Variants in PDGFRL observed in about 807,000 individuals in gnomAD.
PDGFRL encodes the protein platelet-derived growth factor receptor-like protein.
A neutral mutation model predicts 37.2 loss-of-function variants in PDGFRL; 46 were observed. The ratio of observed to expected loss-of-function variants is 1.24; its 90% confidence interval spans 0.98 to 1.58. The LOEUF (loss-of-function observed/expected upper bound fraction) is 1.58, where lower values mean the gene tolerates loss of function less well. PDGFRL is among the 40% of genes most tolerant of loss of function. The probability of loss-of-function intolerance (pLI) is 0.00; values close to 1 mark genes in which losing one functional copy is unlikely to be tolerated. For synonymous variants in PDGFRL, 251 were observed against 184.3 expected, an observed-to-expected ratio of 1.36 and a Z score of -2.93; for missense variants, 692 against 467.6, an observed-to-expected ratio of 1.48 and a Z score of -4.43.
Position 17,589,562 on chromosome 8 carries a change from T to G in PDGFRL, c.150T>G (p.Pro50=), listed in dbSNP as rs1457401134. 1 of 1,613,690 alleles carries G rather than the reference T, an allele frequency of 6.2e-7. No homozygotes were observed. The highest frequency in any genetic ancestry group is 1.1e-5 in the South Asian group (1 of 91,078). Residue 50 remains proline (P), a synonymous_variant, in exon 2 of 6, where the codon CCT becomes CCG. Transcript: ENST00000251630. Reference sequence around the variant, plus strand: ...ACAAGAAGGTGAAGCCCAAAATTCCTAAAATGAAGGACAGGGACTCAGCCA... The same window carrying G: ...ACAAGAAGGTGAAGCCCAAAATTCCGAAAATGAAGGACAGGGACTCAGCCA... ...PTNKKVKPKI[P]KMKDRDSANS...
intron 5 of PDGFRL, among the ~76,000 whole-genome samples, chr8:17,642,026 C>T (rs1805124507): frequency 6.6e-6 from 1 of 151,740 alleles, no homozygotes; most frequent in Admixed American, 6.6e-5. Context: ...CAAAAGTGAC[C>T]ATCGCACTTT....
At chr8:17,604,781 A>T in intron 2 of PDGFRL, among the ~76,000 whole-genome samples, 1 of 152,198 alleles carries the variant, frequency 6.6e-6, no homozygotes. Flanking sequence ...TAGGGCAATT[A>T]TGAGTCGAGG....
chr8:17,597,044 A>C (rs928340263), intron 2 of PDGFRL, among the ~76,000 whole-genome samples: 1 of 151,862 alleles, frequency 6.6e-6, no homozygotes, highest in Non-Finnish European at 1.5e-5. Flanking sequence ...GTTTTTTGGC[A>C]AAGTCTTGCT....
intron 3 of PDGFRL, among the ~76,000 whole-genome samples, chr8:17,622,818 A>C (rs980815689): frequency 2.6e-5 from 4 of 152,180 alleles, no homozygotes; most frequent in Admixed American, 2.6e-4. Flanking sequence ...CCCTGTTTGT[A>C]AGAGGCGTGA....
intron 5 of PDGFRL, 139 bp downstream of exon 5, chr8:17,634,352 G>T (rs1804926239): frequency 4.7e-6 from 3 of 632,422 alleles, no homozygotes; most frequent in African/African-American, 3.8e-5. Context: ...GGCTATGTTG[G>T]GGGCCAGGTA....
At chr8:17,576,651 T>A, upstream of PDGFRL, 1 of 937,006 alleles carries the variant, frequency 1.1e-6, no homozygotes, top group Non-Finnish European at 1.3e-6. Flanking sequence ...ACGTTATTCC[T>A]GTAATGAACC....
chr8:17,588,249 T>C (rs1386652598), intron 1 of PDGFRL, among the ~76,000 whole-genome samples: 3 of 152,332 alleles, frequency 2.0e-5, no homozygotes, highest in East Asian at 1.9e-4. Flanking sequence ...TGATAATTTA[T>C]ATGTAAGCTT....
intron 5 of PDGFRL, among the ~76,000 whole-genome samples, chr8:17,636,109 T>C (rs1804965444): frequency 2.6e-5 from 4 of 152,190 alleles, no homozygotes; most frequent in Admixed American, 2.6e-4. Flanking sequence ...TGTGCAGAAG[T>C]TTTTTAGTTT....
intron 3 of PDGFRL, among the ~76,000 whole-genome samples, chr8:17,625,361 A>G (rs879617702): frequency 1.3e-5 from 2 of 151,934 alleles, no homozygotes; most frequent in Admixed American, 6.6e-5. Context: ...CATGTTGTCC[A>G]GGAGGGTCTC....
Position 17,628,772 on chromosome 8 carries a change from A to G in PDGFRL, c.791A>G (p.Tyr264Cys), listed in dbSNP as rs753241764. Reference protein sequence around the residue: ...SQISVKYQLLYVAVPSGPPST... With the variant: ...SQISVKYQLLCVAVPSGPPST... ...ATCTCCGTCAAGTACCAGCTGCTCT[A>G]TGTGGCGGGTAAGCCTGGCCACCCC... The change falls in exon 4 of 6, where the codon TAT (tyrosine) becomes TGT (cysteine). Residue 264 changes from tyrosine to cysteine, a missense_variant. Physicochemically the swap from Tyr to Cys is radical, Grantham distance 194. Coordinates refer to ENST00000251630, the MANE Select transcript of PDGFRL (RefSeq NM_001372073.1). 1 of 1,612,792 alleles carries G rather than the reference A, an allele frequency of 6.2e-7. No homozygotes were observed. Among genetic ancestry groups the G allele is most frequent in the East Asian group, 2.2e-5 (1 of 44,858 alleles).
chr8:17,594,812 A>C (rs1804017792), intron 2 of PDGFRL, among the ~76,000 whole-genome samples: 1 of 152,158 alleles, frequency 6.6e-6, no homozygotes, highest in African/African-American at 2.4e-5. Flanking sequence ...AAGTGCTGGG[A>C]TTACAGGCGT....
In PDGFRL at chr8:17,601,612, C is replaced by G. The variant is rs151233146; in HGVS notation, c.353+11847C>G. On this transcript the variant is annotated intron_variant, in intron 2 of 5. Transcript: ENST00000251630. The stretch of plus-strand genomic sequence containing the variant: ...GATAGGTAGTTTCTCAGTCCTCACC[C>G]TCTTCCCACCCTCCACCTTCAAGTG... Among the ~76,000 whole-genome samples, 90 of 152,308 alleles carry G rather than the reference C, an allele frequency of 5.9e-4. No individual in the cohort carries two copies. The East Asian group carries it at 0.014, about 24-fold the overall frequency.
Position 17,581,672 on chromosome 8 carries a change from C to T in PDGFRL, c.55+4365C>T, listed in dbSNP as rs146161738. The stretch of plus-strand genomic sequence containing the variant: ...GTTAAAGAGAGTCTGGTCCCTCCTC[C>T]TCCCACCGCACCATGTGATCTCTGC... On this transcript the variant is annotated intron_variant, in intron 1 of 5. Coordinates refer to ENST00000251630, the MANE Select transcript of PDGFRL (RefSeq NM_001372073.1). Among the ~76,000 whole-genome samples the T allele has an allele frequency of 2.6e-5, 4 of 152,196 alleles. No individual in the cohort carries two copies. The East Asian group carries it at 5.8e-4, about 22-fold the overall frequency.
chr8:17,596,356 G>C (rs559867413), intron 2 of PDGFRL: 4 of 1,238,028 alleles, frequency 3.2e-6, no homozygotes, highest in Non-Finnish European at 4.1e-6. Flanking sequence ...AAGCCAACGC[G>C]CCCGCAGGAC....
chr8:17,601,460 T>G (rs79274760), intron 2 of PDGFRL, among the ~76,000 whole-genome samples: 4 of 151,884 alleles, frequency 2.6e-5, no homozygotes, highest in Middle Eastern at 3.4e-3. Context: ...TTTTTGTTTT[T>G]TTTTTTTTCC....
intron 2 of PDGFRL, among the ~76,000 whole-genome samples, chr8:17,610,978 A>G (rs1289154933): frequency 1.3e-5 from 2 of 152,256 alleles, no homozygotes; most frequent in African/African-American, 2.4e-5. Context: ...GTGAGTGCCT[A>G]TCTGGAAAGT....
At chr8:17,586,925 A>T (rs1803830829) in intron 1 of PDGFRL, among the ~76,000 whole-genome samples, 1 of 152,238 alleles carries the variant, frequency 6.6e-6, no homozygotes, top group African/African-American at 2.4e-5. Flanking sequence ...TCTATAAATT[A>T]TACGATGCAA....
intron 1 of PDGFRL, among the ~76,000 whole-genome samples, chr8:17,578,960 G>C (rs1301107869): frequency 6.6e-6 from 1 of 152,206 alleles, no homozygotes; most frequent in Non-Finnish European, 1.5e-5. Flanking sequence ...AGCACTTTGG[G>C]AGGCCAAGGC....
At chr8:17,632,223 T>C (rs1563529396) in intron 4 of PDGFRL, among the ~76,000 whole-genome samples, 1 of 152,064 alleles carries the variant, frequency 6.6e-6, no homozygotes, top group Non-Finnish European at 1.5e-5. Context: ...TTTCTCTCCA[T>C]CCTCACTGCA....
Sources: allele counts gnomAD v4.1 joint callset (sites outside exome capture counted in the v4.1 genomes callset), GRCh38; gene constraint gnomAD v4.1.1; transcripts MANE v1.5; gene names NCBI Gene and HGNC (gene_info 2026-07-23, HGNC 2026-07-21).